Variants in XPO6 observed in about 807,000 individuals in gnomAD.
XPO6 encodes the protein exportin-6.
A neutral mutation model predicts 130.0 loss-of-function variants in XPO6; 3 were observed. The observed-to-expected ratio is 0.02, with a 90% CI of 0.01 to 0.06. The LOEUF is 0.06. Among genes scored for constraint, XPO6 ranks in the 10% least tolerant of loss-of-function variants. XPO6 has a pLI of 1.00. For missense variants in XPO6, 970 were observed against 1,393.0 expected, an observed-to-expected ratio of 0.70 and a Z score of 4.83; for synonymous variants, 524 against 548.9, an observed-to-expected ratio of 0.95 and a Z score of 0.63.
chr16:28,108,823 G>A lies in XPO6; in HGVS notation c.2342-1146C>T, dbSNP rs190454946. 6.2e-4 allele frequency among the ~76,000 whole-genome samples: 94 copies of A among 152,364 alleles called. No individual in the cohort carries two copies. The East Asian group carries it at 8.5e-3, about 14-fold the overall frequency. Reference sequence around the variant, plus strand: ...AAGACATGCTCAGGAGGCAGATGGAGGCAGGCCTGGCCCTGCTGCCCCTCA... The same window carrying A: ...AAGACATGCTCAGGAGGCAGATGGAAGCAGGCCTGGCCCTGCTGCCCCTCA... On this transcript the variant is annotated intron_variant, in intron 17 of 23. Coordinates refer to ENST00000304658, the MANE Select transcript of XPO6 (RefSeq NM_015171.4).
chr16:28,121,630 T>C (rs33048), intron 14 of XPO6, 40 bp downstream of exon 14: 385,328 of 1,413,696 alleles, frequency 0.27, 55,580 homozygotes, highest in Middle Eastern at 0.34. Flanking sequence ...GGGGGCAAGG[T>C]CTTTCCTAAA....
intron 2 of XPO6, among the ~76,000 whole-genome samples, chr16:28,179,386 TA>T (rs2043582361): frequency 6.6e-6 from 1 of 152,112 alleles, no homozygotes; most frequent in African/African-American, 2.4e-5. Flanking sequence ...TTAATAAAAA[TA>T]AAAGTTAATT....
At chr16:28,197,643 G>A (rs1270648992) in intron 1 of XPO6, among the ~76,000 whole-genome samples, 1 of 151,996 alleles carries the variant, frequency 6.6e-6, no homozygotes, top group Non-Finnish European at 1.5e-5. Context: ...TAGGCCGGGC[G>A]CGGTGGCTCA....
intron 21 of XPO6, among the ~76,000 whole-genome samples, chr16:28,103,561 C>A (rs2086699464): frequency 1.3e-5 from 2 of 152,238 alleles, no homozygotes; most frequent in African/African-American, 4.8e-5. Flanking sequence ...AACTGCCAAA[C>A]TGTGAAACTA....
chr16:28,133,742 G>A, intron 11 of XPO6, 99 bp downstream of exon 11: 3 of 1,039,700 alleles, frequency 2.9e-6, no homozygotes, highest in Non-Finnish European at 4.3e-6. Flanking sequence ...ACATAGAGGG[G>A]AAAGAGGGGA....
At position 28,211,376 on chromosome 16, in the gene XPO6, G is replaced by A. The variant is rs1374896238; in HGVS notation, c.-8C>T. 3 of 1,312,416 alleles carry A rather than the reference G, an allele frequency of 2.3e-6. No individual in the cohort carries two copies. Among genetic ancestry groups the A allele is most frequent in the African/African-American group, 3.0e-5 (2 of 66,392 alleles). The allele number at this position is 1,312,416 out of a possible 1,614,324, so 81.3% of individuals were successfully genotyped here. ...TCCAATTCCACTTACCATGCTGGCC[G>A]GGGAGGGGGCGGCTCAGATGAGCTG... On this transcript the variant is annotated 5_prime_UTR_variant, in exon 1 of 24. Transcript: ENST00000304658.
chr16:28,133,848 G>T lies in XPO6; in HGVS notation c.1529C>A (p.Ser510Tyr). Residue 510 changes from serine to tyrosine, a missense_variant, in exon 11 of 24, where the codon TCC becomes TAC. Ser to Tyr is a moderately radical substitution (Grantham distance 144). Around this residue, in one of 4 missense-constraint regions of XPO6, gnomAD observed 936 missense variants for 1,306.8 expected, o/e 0.72. Transcript: ENST00000304658. ...VMELLPTHAF[S>Y]TLFPVLQDNL... ...CCCCGGACAGCACATTACCAGTGTG[G>T]AGAAGGCGTGCGTGGGCAGGAGCTC... 1 of 1,614,096 alleles carries T rather than the reference G, an allele frequency of 6.2e-7. No individual in the cohort carries two copies. The highest frequency in any genetic ancestry group is 8.5e-7 in the Non-Finnish European group (1 of 1,179,996).
intron 1 of XPO6, among the ~76,000 whole-genome samples, chr16:28,187,037 T>A (rs1289511649): frequency 6.6e-6 from 1 of 152,120 alleles, no homozygotes; most frequent in African/African-American, 2.4e-5. Context: ...GGCGTACATA[T>A]AAACAGCCTC....
chr16:28,155,888 CTT>C, intron 7 of XPO6, 184 bp downstream of exon 7: 1 of 1,369,830 alleles, frequency 7.3e-7, no homozygotes, highest in Non-Finnish European at 9.4e-7. Context: ...AACTCAGTCA[CTT>C]CCCTTAACCA....
intron 5 of XPO6, among the ~76,000 whole-genome samples, chr16:28,167,709 A>AC (rs1356878808): frequency 6.6e-6 from 1 of 152,236 alleles, no homozygotes; most frequent in African/African-American, 2.4e-5. Context: ...CCCGTACAGA[A>AC]CCCGGAACAT....
intron 6 of XPO6, among the ~76,000 whole-genome samples, chr16:28,161,013 T>C (rs552952517): frequency 2.0e-5 from 3 of 152,244 alleles, no homozygotes; most frequent in Non-Finnish European, 4.4e-5. Flanking sequence ...TCTTTTGCAA[T>C]AGATTGTTTT....
At chr16:28,123,532 T>A (rs2087304948) in intron 13 of XPO6, among the ~76,000 whole-genome samples, 1 of 152,206 alleles carries the variant, frequency 6.6e-6, no homozygotes, top group Non-Finnish European at 1.5e-5. Flanking sequence ...TGTCCCAGCA[T>A]AACAATCAAC....
intron 1 of XPO6, among the ~76,000 whole-genome samples, chr16:28,201,717 G>A (rs746301182): frequency 2.9e-4 from 44 of 152,110 alleles, no homozygotes; most frequent in East Asian, 7.7e-4. Flanking sequence ...TTAGCCAGGC[G>A]TGGCAGCATG....
chr16:28,176,382 A>G (rs1484202856), intron 3 of XPO6, among the ~76,000 whole-genome samples: 2 of 152,262 alleles, frequency 1.3e-5, no homozygotes, highest in African/African-American at 4.8e-5. Context: ...AAGCAACTTC[A>G]ATGTTCAAAA....
At chr16:28,098,955 C>A (rs1219655611) in intron 23 of XPO6, among the ~76,000 whole-genome samples, 1 of 152,220 alleles carries the variant, frequency 6.6e-6, no homozygotes, top group Non-Finnish European at 1.5e-5. Context: ...AGTCTAAGGA[C>A]AGAAAGACCA....
intron 3 of XPO6, among the ~76,000 whole-genome samples, chr16:28,176,792 AGCCACTGC>A (rs1293808338): frequency 2.0e-5 from 3 of 151,952 alleles, no homozygotes; most frequent in Non-Finnish European, 4.4e-5. Flanking sequence ...TACAGGCATG[AGCCACTGC>A]GCCCGGCCTA....
intron 6 of XPO6, 111 bp from the exon 7 acceptor site, chr16:28,156,638 G>T: frequency 1.6e-6 from 1 of 616,024 alleles, no homozygotes; most frequent in Non-Finnish European, 2.4e-6. Flanking sequence ...ATATGTATCA[G>T]TTTAGTTACC....
intron 8 of XPO6, among the ~76,000 whole-genome samples, chr16:28,148,139 G>A (rs2043018326): frequency 6.6e-6 from 1 of 152,210 alleles, no homozygotes; most frequent in South Asian, 2.1e-4. Flanking sequence ...ATATGGAAGT[G>A]CCTTTGGGAA....
chr16:28,107,663 G>A lies in XPO6; in HGVS notation c.2356C>T (p.His786Tyr), dbSNP rs1270892262. ...MPLDDTKLII[H>Y]QTLSVLEDIV... The stretch of plus-strand genomic sequence containing the variant: ...TCTTCTAAGACGCTGAGTGTCTGGT[G>A]GATAATCAGTTTGGCTGCAAATCAA... The change falls in exon 18 of 24, where the codon CAC becomes TAC. Residue 786 changes from histidine to tyrosine, a missense_variant. By Grantham distance (83) the His-to-Tyr change is moderately conservative. Around this residue, in one of 4 missense-constraint regions of XPO6, gnomAD observed 936 missense variants for 1,306.8 expected, o/e 0.72. Transcript: ENST00000304658. 1.1e-5 allele frequency: 17 copies of A among 1,613,832 alleles called. No individual in the cohort carries two copies. The highest frequency in any genetic ancestry group is 1.7e-5 in the Admixed American group (1 of 60,004).
Sources: gnomAD v4.1 joint callset for allele counts (sites outside exome capture counted in the v4.1 genomes callset) on GRCh38, gnomAD v4.1.1 for gene constraint, gnomAD v4.1.1 regional missense constraint, MANE v1.5 for transcripts, NCBI Gene and HGNC (gene_info 2026-07-23, HGNC 2026-07-21) for gene names.